Variants in DPYD observed in about 807,000 individuals in gnomAD.
DPYD encodes the protein dihydropyrimidine dehydrogenase [NADP(+)].
DPYD carries 109 observed loss-of-function variants against 116.2 expected under a neutral mutation model. The observed-to-expected ratio is 0.94, with a 90% CI of 0.80 to 1.10. The LOEUF is 1.10. Among genes scored for constraint, DPYD ranks in the 50% least tolerant of loss-of-function variants. The pLI is 0.00. For missense variants in DPYD, 1,302 were observed against 1,254.5 expected (o/e 1.04, Z -0.57); for synonymous variants, 440 against 432.0 (o/e 1.02, Z -0.23).
chr1:97,593,236 T>C lies in DPYD; in HGVS notation c.1110A>G (p.Ile370Met). Residue 370 changes from isoleucine to methionine, a missense_variant, in exon 10 of 23, where the codon ATA (isoleucine) becomes ATG (methionine). By Grantham distance (10) the Ile-to-Met change is conservative. Transcript: ENST00000370192. ...FIVFRKGFVN[I>M]RAVPEEMELA... ...ATTTTACCTCCTCAGGGACAGCTCT[T>C]ATATTAACAAAGCCTTTTCTGAAGA... 6.2e-7 allele frequency: 1 copy of C among 1,614,088 alleles called. No individual in the cohort carries two copies. The highest frequency in any genetic ancestry group is 8.5e-7 in the Non-Finnish European group (1 of 1,180,004).
At chr1:97,549,874 C>T in intron 11 of DPYD, 130 bp from the exon 12 acceptor site, 2 of 865,072 alleles carry the variant, frequency 2.3e-6, no homozygotes. Flanking sequence ...TTTTAGTAAA[C>T]TATAAAAATG....
Position 97,119,711 on chromosome 1 carries a change from A to G in DPYD, c.2623-21079T>C, listed in dbSNP as rs998405122. Among the ~76,000 whole-genome samples, 3 of 151,880 alleles carry G rather than the reference A, an allele frequency of 2.0e-5. No homozygotes were observed. In the East Asian group the frequency reaches 5.8e-4, roughly 29 times the overall value. On this transcript the variant is annotated intron_variant, in intron 20 of 22. Transcript: ENST00000370192. ...ACAGTTTCAGCCCTCTCACAAAATC[A>G]CTCTTGTCACTTCTAGCCTCCTGTG...
chr1:97,645,269 A>G (rs760083016), intron 8 of DPYD, among the ~76,000 whole-genome samples: 45 of 152,068 alleles, frequency 3.0e-4, no homozygotes, highest in Admixed American at 1.4e-3. Flanking sequence ...AGGAGTGTCT[A>G]TTTCCTTGTA....
rs1557791062 is a variant in DPYD, at chr1:97,549,729, C to T, written c.1355G>A (p.Ser452Asn). 1 of 1,613,510 alleles carries T rather than the reference C, an allele frequency of 6.2e-7. No individual in the cohort carries two copies. Among genetic ancestry groups the T allele is most frequent in the Non-Finnish European group, 8.5e-7 (1 of 1,179,722 alleles). ...ACCCCATCTGTTAAATTTTATAGGG[C>T]TCAAGGCTTCTTTTACTGAAAAAAC... ...LSDPKVKEAL[S>N]PIKFNRWGLP... The change falls in exon 12 of 23, where the codon AGC becomes AAC. Residue 452 changes from serine to asparagine, a missense_variant. Physicochemically the swap from Ser to Asn is conservative, Grantham distance 46 (BLOSUM62 1). Transcript: ENST00000370192.
intron 20 of DPYD, among the ~76,000 whole-genome samples, chr1:97,179,454 A>G (rs1657500279): frequency 6.6e-6 from 1 of 152,188 alleles, no homozygotes; most frequent in African/African-American, 2.4e-5. Flanking sequence ...CACAGGACCT[A>G]GAAAAGGCTC....
chr1:97,806,656 T>C (rs151318140), intron 3 of DPYD, among the ~76,000 whole-genome samples: 293 of 152,044 alleles, frequency 1.9e-3, no homozygotes, highest in Non-Finnish European at 3.2e-3. Flanking sequence ...TGAACTAACA[T>C]TGACACATCA....
intron 19 of DPYD, among the ~76,000 whole-genome samples, chr1:97,195,913 A>G (rs184213504): frequency 6.6e-6 from 1 of 151,432 alleles, no homozygotes; most frequent in African/African-American, 2.4e-5. Flanking sequence ...TCGGCAATAT[A>G]CCGGATAACA....
At chr1:97,244,014 T>C (rs1474808157) in intron 18 of DPYD, among the ~76,000 whole-genome samples, 2 of 152,018 alleles carry the variant, frequency 1.3e-5, no homozygotes, top group African/African-American at 2.4e-5. Flanking sequence ...AAACTCACTA[T>C]ACTGTCCAAG....
chr1:97,086,604 T>C (rs1277808378), intron 21 of DPYD, among the ~76,000 whole-genome samples: 2 of 152,228 alleles, frequency 1.3e-5, no homozygotes, highest in East Asian at 1.9e-4. Flanking sequence ...ATGTATCATA[T>C]CAGTTTCTAC....
chr1:97,537,986 G>C (rs999924202), intron 12 of DPYD, among the ~76,000 whole-genome samples: 1 of 151,606 alleles, frequency 6.6e-6, no homozygotes, highest in African/African-American at 2.4e-5. Context: ...AGAATCGCTT[G>C]AACCCGGGAG....
intron 11 of DPYD, among the ~76,000 whole-genome samples, chr1:97,558,703 T>C (rs976948982): frequency 1.3e-5 from 2 of 152,174 alleles, no homozygotes; most frequent in African/African-American, 2.4e-5. Context: ...TAATAGCCTA[T>C]AGCAACTCCT....
At chr1:97,730,007 T>C (rs1663496475) in intron 4 of DPYD, among the ~76,000 whole-genome samples, 1 of 152,198 alleles carries the variant, frequency 6.6e-6, no homozygotes, top group South Asian at 2.1e-4. Flanking sequence ...TACTTCAGCT[T>C]TTTTCCAATT....
At chr1:97,161,241 C>T (rs533154513) in intron 20 of DPYD, among the ~76,000 whole-genome samples, 7 of 152,220 alleles carry the variant, frequency 4.6e-5, no homozygotes, top group Non-Finnish European at 8.8e-5. Flanking sequence ...CAGGGAATGT[C>T]TCAAACAGCC....
At chr1:97,219,234 T>C (rs937132064) in intron 19 of DPYD, among the ~76,000 whole-genome samples, 6 of 152,014 alleles carry the variant, frequency 3.9e-5, no homozygotes, top group African/African-American at 1.5e-4. Flanking sequence ...CTTAGAGAGG[T>C]AGATGCTTTT....
chr1:97,478,294 C>A (rs1678100197), intron 13 of DPYD, among the ~76,000 whole-genome samples: 1 of 151,886 alleles, frequency 6.6e-6, no homozygotes, highest in South Asian at 2.1e-4. Flanking sequence ...CTTTCCTTTT[C>A]TTTTTTTTCT....
chr1:97,805,651 C>T (rs886784701), intron 3 of DPYD, among the ~76,000 whole-genome samples: 12 of 151,662 alleles, frequency 7.9e-5, no homozygotes, highest in Middle Eastern at 3.4e-3. Flanking sequence ...TAAACCACAA[C>T]ACCATATTTT....
At chr1:97,519,408 A>G (rs1466544888) in intron 12 of DPYD, among the ~76,000 whole-genome samples, 1 of 152,124 alleles carries the variant, frequency 6.6e-6, no homozygotes, top group African/African-American at 2.4e-5. Flanking sequence ...ACCTGGCCCC[A>G]TGATTCAATT....
In DPYD at chr1:97,822,604, A is replaced by G. The variant is rs1459009106; in HGVS notation, c.233+5510T>C. Reference sequence around the variant, plus strand: ...TAGAAGGTAAATTAATACAAAAAAAAGTATGTTTGTTTTAAGTCTCTTAAT... The same window carrying G: ...TAGAAGGTAAATTAATACAAAAAAAGGTATGTTTGTTTTAAGTCTCTTAAT... On this transcript the variant is annotated intron_variant, in intron 3 of 22. Transcript: ENST00000370192. Among the ~76,000 whole-genome samples, 7 of 152,130 alleles carry G rather than the reference A, an allele frequency of 4.6e-5. No homozygotes were observed. The East Asian group carries it at 1.2e-3, about 25-fold the overall frequency.
intron 19 of DPYD, among the ~76,000 whole-genome samples, chr1:97,202,664 G>A (rs1570659490): frequency 6.6e-6 from 1 of 152,180 alleles, no homozygotes; most frequent in East Asian, 1.9e-4. Context: ...TGATGACACA[G>A]TTTCACTGAA....
Sources: gnomAD v4.1 joint callset for allele counts (sites outside exome capture counted in the v4.1 genomes callset) on GRCh38, gnomAD v4.1.1 for gene constraint, MANE v1.5 for transcripts, NCBI Gene and HGNC (gene_info 2026-07-23, HGNC 2026-07-21) for gene names.